RIPOR2: variants seen among roughly 807,000 people sequenced by gnomAD.
The protein encoded by RIPOR2 is rho family-interacting cell polarization regulator 2.
In RIPOR2, 39 loss-of-function variants were observed where a neutral mutation model predicts 114.5. The ratio of observed to expected loss-of-function variants is 0.34; its 90% CI spans 0.26 to 0.44. The LOEUF is 0.44. RIPOR2 is among the 20% of genes least tolerant of loss of function. The probability of loss-of-function intolerance (pLI) is 1.00; values close to 1 mark genes in which losing one functional copy is unlikely to be tolerated. For missense variants in RIPOR2, 1,007 were observed against 1,255.1 expected (o/e 0.80, Z 2.99); for synonymous variants, 445 against 484.4 (o/e 0.92, Z 1.07).
rs1764019594 is a variant in RIPOR2, at chr6:24,861,023, A to G, written c.665T>C (p.Ile222Thr). Residue 222 changes from isoleucine to threonine, a missense_variant, in exon 8 of 22, where the codon ATT becomes ACT. Transcript: ENST00000643898. ...FKEYTENMCT[I>T]EVELENLLGE... is the part of the protein sequence containing the mutation. ...CAGCAGATTCTCTAGCTCCACTTCA[A>G]TGGTGCACATATTCTGCAAAGAGGA... 1 of 1,609,622 alleles carries G rather than the reference A, an allele frequency of 6.2e-7. No individual in the cohort carries two copies. Among genetic ancestry groups the G allele is most frequent in the Non-Finnish European group, 8.5e-7 (1 of 1,176,722 alleles).
intron 1 of RIPOR2, among the ~76,000 whole-genome samples, chr6:25,022,007 A>T (rs1581966188): frequency 6.6e-6 from 1 of 152,230 alleles, no homozygotes; most frequent in Non-Finnish European, 1.5e-5. Context: ...GATAAACATT[A>T]AACTTAAAAA....
intron 1 of RIPOR2, among the ~76,000 whole-genome samples, chr6:24,907,815 A>G (rs1046228743): frequency 3.3e-5 from 5 of 152,222 alleles, no homozygotes; most frequent in Admixed American, 6.5e-5. Flanking sequence ...ATGAAAAGGC[A>G]TATGCTCATG....
intron 1 of RIPOR2, among the ~76,000 whole-genome samples, chr6:24,982,001 C>G (rs1774316582): frequency 6.6e-6 from 1 of 152,224 alleles, no homozygotes. Context: ...CTGGGCCTCC[C>G]CTCAACTTTT....
At chr6:24,968,194 C>T (rs913111117) in intron 1 of RIPOR2, among the ~76,000 whole-genome samples, 5 of 152,216 alleles carry the variant, frequency 3.3e-5, no homozygotes, top group African/African-American at 1.2e-4. Flanking sequence ...GCATGAGCCA[C>T]TGCACCCAGC....
At chr6:25,041,204 C>T (rs2113784177) in intron 1 of RIPOR2, among the ~76,000 whole-genome samples, 1 of 152,348 alleles carries the variant, frequency 6.6e-6, no homozygotes, top group East Asian at 1.9e-4. Context: ...AATTTGCTGA[C>T]ATCTGAGATA....
At chr6:24,944,539 T>C (rs1772311137) in intron 1 of RIPOR2, among the ~76,000 whole-genome samples, 1 of 152,156 alleles carries the variant, frequency 6.6e-6, no homozygotes, top group Non-Finnish European at 1.5e-5. Context: ...AAACATCCCG[T>C]TTTCAGCAAA....
chr6:24,821,411 C>A (rs1028218617), intron 19 of RIPOR2, among the ~76,000 whole-genome samples: 1 of 149,408 alleles, frequency 6.7e-6, no homozygotes, highest in African/African-American at 2.5e-5. Flanking sequence ...CTCAAACTCC[C>A]GACCTCAGGT....
intron 1 of RIPOR2, among the ~76,000 whole-genome samples, chr6:24,895,092 G>T (rs983155143): frequency 6.6e-6 from 1 of 151,942 alleles, no homozygotes; most frequent in African/African-American, 2.4e-5. Flanking sequence ...TCACTCTGTC[G>T]CCTAGGCTGG....
At position 24,841,572 on chromosome 6, in the gene RIPOR2, G is replaced by C. The variant is rs1761716583; in HGVS notation, c.1857+1290C>G. On this transcript the variant is annotated intron_variant, in intron 13 of 21. Transcript: ENST00000643898. Reference sequence around the variant, plus strand: ...ATGGTCAAAAAGCCTTGGAAATGTAGTTTCAGATGCCACTGGGCAGGCTAC... The same window carrying C: ...ATGGTCAAAAAGCCTTGGAAATGTACTTTCAGATGCCACTGGGCAGGCTAC... 2.6e-5 allele frequency among the ~76,000 whole-genome samples: 4 copies of C among 151,296 alleles called. No homozygotes were observed. In the South Asian group the frequency reaches 8.3e-4, roughly 32 times the overall value.
chr6:25,006,008 T>A (rs1775549626), intron 1 of RIPOR2, among the ~76,000 whole-genome samples: 2 of 152,250 alleles, frequency 1.3e-5, no homozygotes, highest in African/African-American at 4.8e-5. Context: ...CCAGGCTTTT[T>A]AAATTTTGAA....
chr6:24,909,544 C>G (rs541284474), intron 1 of RIPOR2, among the ~76,000 whole-genome samples: 2 of 152,046 alleles, frequency 1.3e-5, no homozygotes, highest in South Asian at 4.2e-4. Context: ...GCAAGACAGA[C>G]CCGATAGAAA....
At chr6:24,923,812 C>CA (rs1770670794) in intron 1 of RIPOR2, among the ~76,000 whole-genome samples, 1 of 152,012 alleles carries the variant, frequency 6.6e-6, no homozygotes, top group South Asian at 2.1e-4. Flanking sequence ...AGCACTACCG[C>CA]ACTCCAGCCT....
At chr6:24,818,163 A>G (rs747591810) in intron 20 of RIPOR2, among the ~76,000 whole-genome samples, 1 of 151,902 alleles carries the variant, frequency 6.6e-6, no homozygotes, top group African/African-American at 2.4e-5. Context: ...AGGTTTCACC[A>G]TGTTGGCCAG....
intron 1 of RIPOR2, among the ~76,000 whole-genome samples, chr6:24,944,982 A>G (rs1772335013): frequency 6.6e-6 from 1 of 152,166 alleles, no homozygotes; most frequent in South Asian, 2.1e-4. Context: ...GTAATTTATT[A>G]TATATTTCAA....
intron 1 of RIPOR2, among the ~76,000 whole-genome samples, chr6:24,979,283 C>CTTTTTTTTTTTTTTTTTTTT (rs60372040): frequency 1.0e-5 from 1 of 99,462 alleles, no homozygotes; most frequent in Non-Finnish European, 2.0e-5. Context: ...TAGGGAAATT[C>CTTTTTTTTTTTTTTTTTTTT]TTTTTTTTTT....
At chr6:24,917,241 G>A (rs1018027397) in intron 1 of RIPOR2, among the ~76,000 whole-genome samples, 2 of 152,134 alleles carry the variant, frequency 1.3e-5, no homozygotes, top group East Asian at 3.9e-4. Context: ...GAGGACTTTG[G>A]GGACCCCTTG....
chr6:24,909,270 A>C (rs759354099), intron 1 of RIPOR2, among the ~76,000 whole-genome samples: 8 of 152,124 alleles, frequency 5.3e-5, no homozygotes, highest in Non-Finnish European at 8.8e-5. Flanking sequence ...ACATCCCTGC[A>C]GTTTGTTCCT....
chr6:24,948,364 T>G (rs77811897), intron 1 of RIPOR2: 1 of 152,184 alleles, frequency 6.6e-6, no homozygotes, highest in African/African-American at 2.4e-5. Context: ...TATCCCCTCA[T>G]TGGGCCTCAA....
chr6:24,852,276 ATAAG>A (rs1390754194), intron 9 of RIPOR2, among the ~76,000 whole-genome samples: 134 of 152,184 alleles, frequency 8.8e-4, no homozygotes, highest in African/African-American at 3.0e-3. Context: ...TAAAAAATAA[ATAAG>A]TAAGTAAATA....
Sources: gnomAD v4.1 joint callset for allele counts (sites outside exome capture counted in the v4.1 genomes callset) on GRCh38, gnomAD v4.1.1 for gene constraint, MANE v1.5 for transcripts, NCBI Gene and HGNC (gene_info 2026-07-23, HGNC 2026-07-21) for gene names.